COL11A1: variants seen among roughly 807,000 people sequenced by gnomAD.
The protein encoded by COL11A1 is collagen type XI alpha 1 chain.
In COL11A1, 74 loss-of-function variants were observed where a neutral mutation model predicts 265.2. The observed-to-expected ratio is 0.28, with a 90% CI of 0.23 to 0.34. COL11A1 has a LOEUF of 0.34. Ranked by LOEUF, COL11A1 falls within the 10% of genes least tolerant of loss-of-function variation. The probability of loss-of-function intolerance (pLI) is 1.00; values close to 1 mark genes in which losing one functional copy is unlikely to be tolerated. For missense variants in COL11A1, 2,165 were observed against 2,263.6 expected (o/e 0.96, Z 0.88); for synonymous variants, 816 against 727.6 (o/e 1.12, Z -1.96).
Position 102,912,208 on chromosome 1 carries a change from G to C in COL11A1, c.4037C>G (p.Pro1346Arg). The C allele has an allele frequency of 6.2e-7, 1 of 1,609,170 alleles. No homozygotes were observed. The highest frequency in any genetic ancestry group is 1.7e-4 in the Middle Eastern group (1 of 6,044). ...GEDGDPGQPG[P>R]PGPSGEAGPP... ...GCCAGCCTCACCAGATGGGCCAGGAGGACCCTATAAAATGTGAAAAAATAC... is the reference window on the plus strand; with the variant it reads ...GCCAGCCTCACCAGATGGGCCAGGACGACCCTATAAAATGTGAAAAAATAC... The change falls in exon 54 of 67, where the codon CCT becomes CGT. Residue 1346 changes from proline (P) to arginine (R), a missense_variant. Transcript: ENST00000370096.
chr1:103,090,194 T>C (rs1372454417), intron 1 of COL11A1, among the ~76,000 whole-genome samples: 1 of 151,946 alleles, frequency 6.6e-6, no homozygotes, highest in Non-Finnish European at 1.5e-5. Context: ...GCCTTCCTAA[T>C]GTAGATATTT....
At position 102,965,601 on chromosome 1, in the gene COL11A1, C is replaced by A. The variant is rs1661332957; in HGVS notation, c.2863-61G>T. 2.2e-6 allele frequency: 3 copies of A among 1,354,658 alleles called. No homozygotes were observed. In the East Asian group the frequency reaches 6.9e-5, roughly 31 times the overall value. The allele number at this position is 1,354,658 out of a possible 1,614,324, so 83.9% of individuals were successfully genotyped here. A position where few individuals can be genotyped will look rare whatever the true frequency, so the allele number is the denominator to read the frequency against. ...ACAACACAAAGCATAAATCAAAATT[C>A]TATGAGATAGCTGAATAAGTCACAT... On this transcript the variant is annotated intron_variant, in intron 37 of 66. Coordinates refer to ENST00000370096, the MANE Select transcript of COL11A1 (RefSeq NM_001854.4).
At position 102,883,194 on chromosome 1, in the gene COL11A1, CT is replaced by C; in HGVS notation, c.4971+4del. 6.3e-7 allele frequency: 1 copy of C among 1,588,276 alleles called. No homozygotes were observed. Among genetic ancestry groups the C allele is most frequent in the Non-Finnish European group, 8.6e-7 (1 of 1,156,706 alleles). ...CATTCACCACCAAAACAGATTGGTA[CT>C]TACTCCCTCAGATTTTTTGTCTGGA... is the stretch of plus-strand genomic sequence containing the variant. On this transcript the variant is annotated splice_donor_region_variant and intron_variant, in intron 64 of 66. Transcript: ENST00000370096.
chr1:103,046,334 T>C (rs2102087707), intron 4 of COL11A1, among the ~76,000 whole-genome samples: 1 of 139,364 alleles, frequency 7.2e-6, no homozygotes, highest in South Asian at 2.5e-4. Context: ...GTGGTTTTGA[T>C]TTGCATTTCT....
In COL11A1 at chr1:103,078,688, A is replaced by C. The variant is rs760340111; in HGVS notation, c.458T>G (p.Leu153Arg). 6.2e-7 allele frequency: 1 copy of C among 1,613,414 alleles called. No homozygotes were observed. Among genetic ancestry groups the C allele is most frequent in the Non-Finnish European group, 8.5e-7 (1 of 1,179,570 alleles). ...GTCAGCGATGTTAACAGTTCTGAAG[A>C]GGGGATAGTCTTCTGGGGCAGGTTT... ...TGKPAPEDYP[L>R]FRTVNIADGK... Residue 153 changes from leucine (L) to arginine (R), a missense_variant, in exon 3 of 67, where the codon CTC becomes CGC. By Grantham distance (102) the Leu-to-Arg change is moderately radical. Transcript: ENST00000370096.
At chr1:102,973,887 A>G (rs551881484) in intron 36 of COL11A1, among the ~76,000 whole-genome samples, 2 of 152,354 alleles carry the variant, frequency 1.3e-5, no homozygotes, top group Admixed American at 1.3e-4. Flanking sequence ...TTTCAAAATA[A>G]ATAATTCACC....
intron 9 of COL11A1, among the ~76,000 whole-genome samples, chr1:103,019,877 T>G (rs1489599232): frequency 6.6e-6 from 1 of 150,842 alleles, no homozygotes; most frequent in East Asian, 2.0e-4. Flanking sequence ...CCGAGAATGA[T>G]GGTTTCCAAT....
intron 28 of COL11A1, among the ~76,000 whole-genome samples, chr1:102,995,588 A>G (rs1184150735): frequency 6.6e-6 from 1 of 151,476 alleles, no homozygotes; most frequent in Non-Finnish European, 1.5e-5. Context: ...CCTATGATTA[A>G]CAAAACTTAA....
At chr1:102,906,402 T>A (rs2100981662) in intron 54 of COL11A1, among the ~76,000 whole-genome samples, 1 of 152,182 alleles carries the variant, frequency 6.6e-6, no homozygotes, top group African/African-American at 2.4e-5. Context: ...GGCTTCAATT[T>A]TTGGGTTTAC....
intron 18 of COL11A1, among the ~76,000 whole-genome samples, chr1:103,005,529 A>G (rs1041152932): frequency 2.6e-5 from 4 of 152,208 alleles, no homozygotes; most frequent in African/African-American, 9.6e-5. Context: ...TTAAAAAATT[A>G]GAGGTAAAAT....
At chr1:103,005,950 T>C in intron 17 of COL11A1, 59 bp from the exon 18 acceptor site, 4 of 1,612,768 alleles carry the variant, frequency 2.5e-6, no homozygotes, top group East Asian at 4.5e-5. Context: ...AGTCTAGATA[T>C]GTACTGCAAT....
chr1:103,049,971 T>A (rs1026553967), intron 4 of COL11A1, among the ~76,000 whole-genome samples: 11 of 152,366 alleles, frequency 7.2e-5, no homozygotes, highest in African/African-American at 2.4e-4. Context: ...AGAGATCAGC[T>A]GTTAATCTGA....
chr1:102,974,735 A>C, intron 36 of COL11A1, 95 bp downstream of exon 36: 1 of 895,908 alleles, frequency 1.1e-6, no homozygotes, highest in Non-Finnish European at 1.8e-6. Context: ...GATTTTATCA[A>C]TATTATATCT....
intron 41 of COL11A1, among the ~76,000 whole-genome samples, chr1:102,953,587 A>G (rs1660095690): frequency 6.6e-6 from 1 of 152,222 alleles, no homozygotes; most frequent in Non-Finnish European, 1.5e-5. Context: ...CAAAAAGTAT[A>G]AATGTAATAG....
intron 64 of COL11A1, among the ~76,000 whole-genome samples, chr1:102,882,017 G>C (rs752734507): frequency 6.6e-6 from 1 of 152,088 alleles, no homozygotes; most frequent in Non-Finnish European, 1.5e-5. Flanking sequence ...AAGGAAAAGG[G>C]GAAAGACAAC....
At position 102,970,199 on chromosome 1, in the gene COL11A1, A is replaced by G. The variant is rs1042693367; in HGVS notation, c.2862+20T>C. 3.7e-6 allele frequency: 6 copies of G among 1,609,038 alleles called. No homozygotes were observed. In the African/African-American group the frequency reaches 4.0e-5, roughly 11 times the overall value. ...GTGCTAGAGATGGAAATTTTTAATA[A>G]GAGTAACAAGGTCACTTACAGTCTC... is the stretch of plus-strand genomic sequence containing the variant. On this transcript the variant is annotated intron_variant, in intron 37 of 66. Transcript: ENST00000370096.
At chr1:103,033,389 T>C (rs1350411386) in intron 4 of COL11A1, among the ~76,000 whole-genome samples, 1 of 152,106 alleles carries the variant, frequency 6.6e-6, no homozygotes, top group Non-Finnish European at 1.5e-5. Flanking sequence ...GTTTTTACTA[T>C]AGCCTTATAG....
intron 37 of COL11A1, among the ~76,000 whole-genome samples, chr1:102,966,528 T>C (rs1337003278): frequency 6.6e-6 from 1 of 152,198 alleles, no homozygotes; most frequent in Non-Finnish European, 1.5e-5. Context: ...AGTTCTATTT[T>C]AAAAATCTAT....
chr1:103,055,011 G>C (rs2102160847), intron 4 of COL11A1, among the ~76,000 whole-genome samples: 1 of 152,234 alleles, frequency 6.6e-6, no homozygotes. Context: ...GGCTCTATAG[G>C]ATGCATAGCA....
Sources: gnomAD v4.1 joint callset for allele counts (sites outside exome capture counted in the v4.1 genomes callset) on GRCh38, gnomAD v4.1.1 for gene constraint, MANE v1.5 for transcripts, NCBI Gene and HGNC (gene_info 2026-07-23, HGNC 2026-07-21) for gene names.